KLF13: variants seen among roughly 807,000 people sequenced by gnomAD.
KLF13 encodes the protein Krueppel-like factor 13.
KLF13 carries 8 observed loss-of-function variants against 16.7 expected under a neutral mutation model. The observed-to-expected ratio is 0.48, with a 90% CI of 0.28 to 0.87. The LOEUF is 0.87. KLF13 is among the 40% of genes least tolerant of loss of function. The pLI is 0.10. For missense variants in KLF13, 447 were observed against 452.2 expected (o/e 0.99, Z 0.10); for synonymous variants, 245 against 208.4 (o/e 1.18, Z -1.51).
intron 1 of KLF13, chr15:31,420,307 C>T: frequency 1.1e-6 from 1 of 944,168 alleles, no homozygotes; most frequent in African/African-American, 1.6e-5. Context: ...ACAACCTTTT[C>T]AAATGGGTAG....
chr15:31,425,349 A>G (rs2040388182), intron 1 of KLF13, among the ~76,000 whole-genome samples: 1 of 152,240 alleles, frequency 6.6e-6, no homozygotes, highest in Non-Finnish European at 1.5e-5. Context: ...AAAAGAAAAC[A>G]AAACTGAAAA....
Position 31,327,675 on chromosome 15 carries a change from C to G in KLF13, c.463C>G (p.Arg155Gly). ...PGLRQRVRRGRSRADLESPQR... is the reference protein window; with the variant it reads ...PGLRQRVRRGGSRADLESPQR... The stretch of plus-strand genomic sequence containing the variant: ...CCTCAGACAAAGGGTCCGGCGGGGC[C>G]GAAGTCGCGCCGACCTCGAGTCCCC... The change falls in exon 1 of 2, where the codon CGA (arginine) becomes GGA (glycine). Residue 155 changes from arginine (R) to glycine (G), a missense_variant. Arg to Gly is a moderately radical substitution (Grantham distance 125). Around this residue, in one of 2 missense-constraint regions of KLF13, gnomAD observed 359 missense variants for 282.8 expected, o/e 1.27. Coordinates refer to ENST00000307145, the MANE Select transcript of KLF13 (RefSeq NM_015995.4). 6.6e-7 allele frequency: 1 copy of G among 1,514,862 alleles called. No homozygotes were observed. The highest frequency in any genetic ancestry group is 1.4e-5 in the African/African-American group (1 of 69,098). The allele number at this position is 1,514,862 out of a possible 1,614,324, so 93.8% of individuals were successfully genotyped here. A position where few individuals can be genotyped will look rare whatever the true frequency, so the allele number is the denominator to read the frequency against.
At chr15:31,435,584 G>GT (rs1436639635) in exon 2 of KLF13, 1 of 152,144 alleles carries the variant, frequency 6.6e-6, no homozygotes, top group East Asian at 1.9e-4. Context: ...CCCTCAGCCT[G>GT]TTTCCTGAGA....
chr15:31,402,071 A>G (rs1875781320), intron 2 of KLF13, among the ~76,000 whole-genome samples: 1 of 152,224 alleles, frequency 6.6e-6, no homozygotes, highest in African/African-American at 2.4e-5. Context: ...GGTCTGGGTG[A>G]GCAGCACCAA....
intron 1 of KLF13, among the ~76,000 whole-genome samples, chr15:31,340,450 C>T (rs2039002775): frequency 6.6e-6 from 1 of 152,236 alleles, no homozygotes; most frequent in South Asian, 2.1e-4. Context: ...GTGAGGGCCC[C>T]AGCATCCCTC....
At chr15:31,335,159 T>C (rs1477407924) in intron 1 of KLF13, among the ~76,000 whole-genome samples, 1 of 152,140 alleles carries the variant, frequency 6.6e-6, no homozygotes, top group Non-Finnish European at 1.5e-5. Flanking sequence ...ACATAGTGGC[T>C]ATGTGGAACT....
chr15:31,414,388 G>A (rs1040043443), intron 1 of KLF13, among the ~76,000 whole-genome samples: 4 of 152,080 alleles, frequency 2.6e-5, no homozygotes, highest in Non-Finnish European at 4.4e-5. Context: ...TATCAAATGC[G>A]AGAGCGAATT....
rs571905610 is a variant in KLF13, at chr15:31,346,256, C to T, written c.577+18467C>T. Reference sequence around the variant, plus strand: ...TGAAACTCACAGCCTTCTCCCCCGACCTCCTGTCCTCTGCTTTTCTCTGAG... The same window carrying T: ...TGAAACTCACAGCCTTCTCCCCCGATCTCCTGTCCTCTGCTTTTCTCTGAG... On this transcript the variant is annotated intron_variant, in intron 1 of 1. Coordinates refer to ENST00000307145, the MANE Select transcript of KLF13 (RefSeq NM_015995.4). 5.9e-5 allele frequency among the ~76,000 whole-genome samples: 9 copies of T among 152,336 alleles called. No individual in the cohort carries two copies. In the South Asian group the frequency reaches 1.9e-3, roughly 32 times the overall value.
At chr15:31,340,852 C>CG (rs2039010183) in intron 1 of KLF13, among the ~76,000 whole-genome samples, 1 of 152,104 alleles carries the variant, frequency 6.6e-6, no homozygotes, top group Admixed American at 6.5e-5. Flanking sequence ...CTGGGCGACA[C>CG]GGGGAGATCC....
At chr15:31,418,191 C>T (rs1412360795) in intron 1 of KLF13, among the ~76,000 whole-genome samples, 1 of 152,042 alleles carries the variant, frequency 6.6e-6, no homozygotes, top group African/African-American at 2.4e-5. Flanking sequence ...TATATCAAAT[C>T]TTGTTGGAAG....
chr15:31,335,989 C>T (rs150879963), intron 1 of KLF13, among the ~76,000 whole-genome samples: 4 of 152,384 alleles, frequency 2.6e-5, no homozygotes, highest in East Asian at 1.9e-4. Flanking sequence ...AGTTGTGTCA[C>T]GTGCTTGTCT....
intron 1 of KLF13, among the ~76,000 whole-genome samples, chr15:31,385,329 T>G (rs1354639180): frequency 6.6e-6 from 1 of 152,224 alleles, no homozygotes; most frequent in African/African-American, 2.4e-5. Context: ...ACAAGGTGAC[T>G]GAGAGGGGCC....
chr15:31,358,037 A>G (rs1028141337), intron 1 of KLF13, among the ~76,000 whole-genome samples: 2 of 152,122 alleles, frequency 1.3e-5, no homozygotes, highest in Admixed American at 6.5e-5. Flanking sequence ...AGTTCCTGTT[A>G]GGCCTTTGGT....
intron 1 of KLF13, among the ~76,000 whole-genome samples, chr15:31,386,334 C>T (rs1371127864): frequency 6.6e-6 from 1 of 152,126 alleles, no homozygotes; most frequent in African/African-American, 2.4e-5. Context: ...CCTGTTTCTA[C>T]TAAAAGTACA....
At position 31,333,516 on chromosome 15, in the gene KLF13, T is replaced by C. The variant is rs138155427; in HGVS notation, c.577+5727T>C. The stretch of plus-strand genomic sequence containing the variant: ...ACACTCCTATACTCTTCCCATAGGG[T>C]CATTGGGTAATATTTTGCCACATTT... On this transcript the variant is annotated intron_variant, in intron 1 of 1. Coordinates refer to ENST00000307145, the MANE Select transcript of KLF13 (RefSeq NM_015995.4). Among the ~76,000 whole-genome samples, 307 of 152,266 alleles carry C rather than the reference T, an allele frequency of 2.0e-3. 3 individuals carry two copies. The highest frequency in any genetic ancestry group is 7.0e-3 in the African/African-American group (291 of 41,556).
chr15:31,344,351 G>A (rs1304817112), intron 1 of KLF13, among the ~76,000 whole-genome samples: 4 of 152,360 alleles, frequency 2.6e-5, no homozygotes, highest in Admixed American at 6.5e-5. Flanking sequence ...AAGCCAGGGC[G>A]TGCTCTGAAA....
upstream of KLF13, among the ~76,000 whole-genome samples, chr15:31,389,342 CTCG>C (rs999144920): frequency 1.4e-4 from 21 of 152,328 alleles, no homozygotes; most frequent in African/African-American, 1.9e-4. Context: ...AAGGCTTCTT[CTCG>C]TCAACAGGCT....
chr15:31,382,770 G>C (rs1243500884), downstream of KLF13, among the ~76,000 whole-genome samples: 1 of 152,224 alleles, frequency 6.6e-6, no homozygotes, highest in Non-Finnish European at 1.5e-5. Flanking sequence ...CCCCTGCATA[G>C]CTGTGACTCC....
intron 1 of KLF13, among the ~76,000 whole-genome samples, chr15:31,361,628 C>T (rs148073261): frequency 0.017 from 2,573 of 152,086 alleles, 80 homozygotes; most frequent in African/African-American, 0.059. Context: ...AAGTGGGCCA[C>T]GATGGTTGCC....
Sources: gnomAD v4.1 joint callset for allele counts (sites outside exome capture counted in the v4.1 genomes callset) on GRCh38, gnomAD v4.1.1 for gene constraint, gnomAD v4.1.1 regional missense constraint, MANE v1.5 for transcripts, NCBI Gene and HGNC (gene_info 2026-07-23, HGNC 2026-07-21) for gene names.